The following DDX39A variants were observed in gnomAD, a reference collection of about 807,000 sequenced individuals.
DDX39A encodes ATP-dependent RNA helicase DDX39A.
In DDX39A, 13 loss-of-function variants were observed where a neutral mutation model predicts 46.3. That is an observed-to-expected ratio of 0.28 (90% CI 0.18 to 0.45). The LOEUF is 0.45. Ranked by LOEUF, DDX39A falls within the 20% of genes least tolerant of loss-of-function variation. The probability of loss-of-function intolerance (pLI) is 1.00; values close to 1 mark genes in which losing one functional copy is unlikely to be tolerated. For missense variants in DDX39A, 352 were observed against 581.8 expected, an observed-to-expected ratio of 0.61 and a Z score of 4.06; for synonymous variants, 234 against 224.6, an observed-to-expected ratio of 1.04 and a Z score of -0.38.
chr19:14,414,494 G>C (rs1326537408), intron 1 of DDX39A, among the ~76,000 whole-genome samples: 1 of 149,896 alleles, frequency 6.7e-6, no homozygotes, highest in African/African-American at 2.4e-5. Context: ...GGGATTACAG[G>C]TGCTTGCCAC....
Position 14,412,239 on chromosome 19 carries a change from CG to C in DDX39A, c.336+311del. The C allele has an allele frequency of 3.0e-6, 1 of 333,882 alleles. No homozygotes were observed. Among genetic ancestry groups the C allele is most frequent in the Non-Finnish European group, 5.6e-6 (1 of 177,054 alleles). The allele number at this position is 333,882 out of a possible 1,614,324, so 20.7% of individuals were successfully genotyped here. On this transcript the variant is annotated intron_variant, in intron 3 of 10. Coordinates refer to ENST00000242776, the MANE Select transcript of DDX39A (RefSeq NM_005804.4). This position sits in a 1 kb window ranked among gnomAD's most constrained non-coding sequence, Gnocchi z 4.4. The stretch of plus-strand genomic sequence containing the variant: ...ATGGACACTCTCTAGGTAAGTGGCA[CG>C]GCAAAACAGCAACGATGCCTCTGGG...
In DDX39A at chr19:14,419,174, C is replaced by T. The variant is rs926178212; in HGVS notation, c.-5+96G>A. Reference sequence around the variant, plus strand: ...CCCCCACCGTCTCGCGACCCTTTCTCCCCCTCCCCTTAGATCCCAACGTCT... The same window carrying T: ...CCCCCACCGTCTCGCGACCCTTTCTTCCCCTCCCCTTAGATCCCAACGTCT... On this transcript the variant is annotated intron_variant, in intron 1 of 10. Transcript: ENST00000242776. The T allele has an allele frequency of 1.1e-5, 4 of 348,374 alleles. No homozygotes were observed. The Admixed American group carries it at 1.6e-4, about 14-fold the overall frequency. 21.6% of individuals were successfully genotyped at this position (348,374 alleles called of 1,614,324 possible).
chr19:14,416,117 C>G (rs2146394373), intron 1 of DDX39A: 1 of 152,358 alleles, frequency 6.6e-6, no homozygotes, highest in Non-Finnish European at 1.5e-5. Context: ...CTGCTCAAAA[C>G]TTTTAATGGG....
chr19:14,411,079 T>C lies in DDX39A; in HGVS notation c.523A>G (p.Ile175Val), dbSNP rs1976568847. The C allele has an allele frequency of 6.2e-7, 1 of 1,612,824 alleles. No individual in the cohort carries two copies. The highest frequency in any genetic ancestry group is 1.3e-5 in the African/African-American group (1 of 74,868). The change falls in exon 5 of 11, where the codon ATC becomes GTC. Residue 175 changes from isoleucine (I) to valine (V), a missense_variant. Coordinates refer to ENST00000242776, the MANE Select transcript of DDX39A (RefSeq NM_005804.4). This position sits in a 1 kb window ranked among gnomAD's most constrained non-coding sequence, Gnocchi z 4.1. Reference protein sequence around the residue: ...PHVVVGTPGRILALVRNRSFS... With the variant: ...PHVVVGTPGRVLALVRNRSFS... ...CTCCTATTCCGCACGAGCGCCAGGA[T>C]GCGGCCCGGGGTCCCCACCACGACA...
chr19:14,414,325 TTTATTATTATTATTATTATTA>T (rs376558858), intron 1 of DDX39A, among the ~76,000 whole-genome samples: 3,142 of 133,512 alleles, frequency 0.024, 72 homozygotes, highest in Middle Eastern at 0.038. Flanking sequence ...TATCACCTGT[TTTATTATTATTATTATTATTA>T]TTATTATTAT....
intron 1 of DDX39A, among the ~76,000 whole-genome samples, chr19:14,413,527 C>T (rs1306448010): frequency 6.6e-6 from 1 of 152,160 alleles, no homozygotes; most frequent in Non-Finnish European, 1.5e-5. Context: ...GACCCCTGCT[C>T]ACCTCATCCC....
intron 1 of DDX39A, among the ~76,000 whole-genome samples, chr19:14,417,282 G>A (rs1404546606): frequency 6.6e-6 from 1 of 152,040 alleles, no homozygotes; most frequent in Non-Finnish European, 1.5e-5. Context: ...AAGAGATGGT[G>A]TATTTTAAGG....
rs1399551078 is a variant in DDX39A at position 14,410,734 on chromosome 19, A to G, written c.613+255T>C. ...TGGAACCAACCCAACAGGTGGCAGAAGCCTCATACTCCCAGAGGTATGTGT... is the reference window on the plus strand; with the variant it reads ...TGGAACCAACCCAACAGGTGGCAGAGGCCTCATACTCCCAGAGGTATGTGT... On this transcript the variant is annotated intron_variant, in intron 5 of 10. Coordinates refer to ENST00000242776, the MANE Select transcript of DDX39A (RefSeq NM_005804.4). The surrounding 1 kb of genome is among the most constrained non-coding windows in gnomAD (Gnocchi z 4.3). 2 of 527,938 alleles carry G rather than the reference A, an allele frequency of 3.8e-6. No individual in the cohort carries two copies. The highest frequency in any genetic ancestry group is 3.2e-5 in the Admixed American group (1 of 31,146). The allele number at this position is 527,938 out of a possible 1,614,324, so 32.7% of individuals were successfully genotyped here. A position where few individuals can be genotyped will look rare whatever the true frequency, so the allele number is the denominator to read the frequency against.
intron 1 of DDX39A, chr19:14,418,983 C>T (rs989391420): frequency 8.8e-6 from 4 of 456,158 alleles, no homozygotes; most frequent in Admixed American, 4.7e-5. Context: ...TTCGGACGAA[C>T]TGACAGACTC....
chr19:14,417,528 T>A (rs1976859169), intron 1 of DDX39A, among the ~76,000 whole-genome samples: 1 of 151,070 alleles, frequency 6.6e-6, no homozygotes. Context: ...GAGATATACC[T>A]AATGCAAATG....
intron 1 of DDX39A, among the ~76,000 whole-genome samples, chr19:14,416,939 T>C (rs1976832792): frequency 6.6e-6 from 1 of 152,062 alleles, no homozygotes; most frequent in Non-Finnish European, 1.5e-5. Flanking sequence ...TGCCTCTGCC[T>C]CCCAAAGTGC....
rs746598811 is a variant in DDX39A, at chr19:14,413,277, G to A, written c.-4-53C>T. The A allele has an allele frequency of 6.6e-6, 10 of 1,513,732 alleles. No individual in the cohort carries two copies. The Middle Eastern group carries it at 1.2e-3, about 187-fold the overall frequency. 93.8% of individuals were successfully genotyped at this position (1,513,732 alleles called of 1,614,324 possible). A position where few individuals can be genotyped will look rare whatever the true frequency, so the allele number is the denominator to read the frequency against. ...CGAGTGGGCACAGAAGGATGATGAA[G>A]CTTCATTCAAATGGCATTCTCTGCC... On this transcript the variant is annotated intron_variant, in intron 1 of 10. Coordinates refer to ENST00000242776, the MANE Select transcript of DDX39A (RefSeq NM_005804.4).
intron 1 of DDX39A, chr19:14,418,794 G>A (rs1043788216): frequency 9.3e-5 from 37 of 399,802 alleles, no homozygotes; most frequent in African/African-American, 7.8e-4. Flanking sequence ...CTAAATCTCA[G>A]AATCCCGAAT....
Position 14,412,582 on chromosome 19 carries a change from G to A in DDX39A, c.305C>T (p.Thr102Ile). ...GTTGACAGGCTCAATCTGCTGTAGG[G>A]TGGCCAGCACGAAGACCGCTGTCTT... ...MGKTAVFVLATLQQIEPVNGQ... is the reference protein window; with the variant it reads ...MGKTAVFVLAILQQIEPVNGQ... The change falls in exon 3 of 11, where the codon ACC (threonine) becomes ATC (isoleucine). Residue 102 changes from threonine to isoleucine, a missense_variant. This residue lies in a region of DDX39A where 301 missense variants were observed against 469.9 expected (regional missense o/e 0.64). Transcript: ENST00000242776. The surrounding 1 kb of genome is among the most constrained non-coding windows in gnomAD (Gnocchi z 4.4). The A allele has an allele frequency of 6.2e-7, 1 of 1,610,496 alleles. No homozygotes were observed. Among genetic ancestry groups the A allele is most frequent in the Non-Finnish European group, 8.5e-7 (1 of 1,180,006 alleles).
chr19:14,417,086 G>C (rs1038441715), intron 1 of DDX39A, among the ~76,000 whole-genome samples: 2 of 152,122 alleles, frequency 1.3e-5, no homozygotes, highest in Non-Finnish European at 2.9e-5. Context: ...TTACTCCTCC[G>C]ATGAAGGGGT....
intron 1 of DDX39A, among the ~76,000 whole-genome samples, chr19:14,414,374 A>C (rs1181327999): frequency 4.3e-5 from 6 of 138,154 alleles, no homozygotes; most frequent in Non-Finnish European, 7.9e-5. Context: ...ATTATTATTG[A>C]GATGAAGTCT....
At position 14,409,619 on chromosome 19, in the gene DDX39A, C is replaced by A; in HGVS notation, c.891G>T (p.Gln297His). 6.2e-7 allele frequency: 1 copy of A among 1,611,142 alleles called. No homozygotes were observed. Among genetic ancestry groups the A allele is most frequent in the Non-Finnish European group, 8.5e-7 (1 of 1,178,470 alleles). Residue 297 changes from glutamine to histidine, a missense_variant, in exon 8 of 11, where the codon CAG becomes CAT. This residue lies in a region of DDX39A where 301 missense variants were observed against 469.9 expected (regional missense o/e 0.64). Coordinates refer to ENST00000242776, the MANE Select transcript of DDX39A (RefSeq NM_005804.4). The surrounding 1 kb of genome is among the most constrained non-coding windows in gnomAD (Gnocchi z 8.3). ...GGAGCTGGGCCAGGGCCATGCAGCG[C>A]TGCACTGACTTGACGAAGATTATCA... ...NQVIIFVKSVQRCMALAQLLV... is the reference protein window; with the variant it reads ...NQVIIFVKSVHRCMALAQLLV...
At chr19:14,419,176 C>G (rs73517850) in intron 1 of DDX39A, 94 bp downstream of exon 1, 1 of 348,436 alleles carries the variant, frequency 2.9e-6, no homozygotes, top group African/African-American at 2.2e-5. Flanking sequence ...CCCTTTCTCC[C>G]CCTCCCCTTA....
rs1371254364 is a variant in DDX39A at position 14,412,592 on chromosome 19, C to T, written c.295G>A (p.Val99Met). The T allele has an allele frequency of 1.2e-6, 2 of 1,610,812 alleles. No individual in the cohort carries two copies. The highest frequency in any genetic ancestry group is 1.7e-6 in the Non-Finnish European group (2 of 1,180,008). Residue 99 changes from valine (V) to methionine (M), a missense_variant, in exon 3 of 11, where the codon GTG becomes ATG. This residue lies in a region of DDX39A where 301 missense variants were observed against 469.9 expected (regional missense o/e 0.64). Coordinates refer to ENST00000242776, the MANE Select transcript of DDX39A (RefSeq NM_005804.4). The surrounding 1 kb of genome is among the most constrained non-coding windows in gnomAD (Gnocchi z 4.4). ...KSGMGKTAVFVLATLQQIEPV... is the reference protein window; with the variant it reads ...KSGMGKTAVFMLATLQQIEPV... Reference sequence around the variant, plus strand: ...TCAATCTGCTGTAGGGTGGCCAGCACGAAGACCGCTGTCTTGCCCATCCCG... The same window carrying T: ...TCAATCTGCTGTAGGGTGGCCAGCATGAAGACCGCTGTCTTGCCCATCCCG...
Sources: gnomAD v4.1 joint callset for allele counts (sites outside exome capture counted in the v4.1 genomes callset) on GRCh38, gnomAD v4.1.1 for gene constraint, gnomAD v4.1.1 regional missense constraint, Gnocchi (gnomAD v3.1) non-coding constraint, MANE v1.5 for transcripts, NCBI Gene and HGNC (gene_info 2026-07-23, HGNC 2026-07-21) for gene names.